The following CMKLR2 variants were observed in gnomAD, a reference collection of about 807,000 sequenced individuals.
CMKLR2 encodes chemerin-like receptor 2.
Under a neutral mutation model 23.0 loss-of-function variants are expected in CMKLR2, and 18 were observed. The observed-to-expected ratio is 0.78, with a 90% CI of 0.54 to 1.16. The LOEUF (loss-of-function observed/expected upper bound fraction) is 1.16. CMKLR2 is among the 50% of genes most tolerant of loss of function. The pLI, the probability that CMKLR2 is intolerant of heterozygous loss-of-function variation, is 0.00. For missense variants in CMKLR2, 401 were observed against 412.7 expected (o/e 0.97, Z 0.25); for synonymous variants, 158 against 158.9 (o/e 0.99, Z 0.05).
chr2:206,179,374 C>CTTTTT (rs1178241566), intron 1 of CMKLR2, among the ~76,000 whole-genome samples: 4 of 76,216 alleles, frequency 5.2e-5, no homozygotes, highest in Non-Finnish European at 7.5e-5. Flanking sequence ...CGCACCCAGC[C>CTTTTT]TTTTTTTTTT....
rs1576037036 is a variant in CMKLR2, at chr2:206,181,874, C to T, written c.-28-4599G>A. Among the ~76,000 whole-genome samples, 4 of 139,594 alleles carry T rather than the reference C, an allele frequency of 2.9e-5. No individual in the cohort carries two copies. The South Asian group carries it at 6.7e-4, about 23-fold the overall frequency. 91.6% of individuals were successfully genotyped at this position (139,594 alleles called of 152,430 possible). On this transcript the variant is annotated intron_variant, in intron 1 of 1. Coordinates refer to ENST00000621141, the MANE Select transcript of CMKLR2 (RefSeq NM_001389445.1). ...GGCTGAGACAGGAGAATTGCCTGAACTGGGAGGTGGAGGTTTTAGTGAGCC... is the reference window on the plus strand; with the variant it reads ...GGCTGAGACAGGAGAATTGCCTGAATTGGGAGGTGGAGGTTTTAGTGAGCC...
chr2:206,186,140 C>A (rs1357671818), intron 1 of CMKLR2, among the ~76,000 whole-genome samples: 1 of 139,312 alleles, frequency 7.2e-6, no homozygotes, highest in Non-Finnish European at 1.5e-5. Context: ...TTGATGGAGT[C>A]TCACACTGTC....
At chr2:206,204,976 A>G (rs991081690) in intron 1 of CMKLR2, among the ~76,000 whole-genome samples, 1 of 152,226 alleles carries the variant, frequency 6.6e-6, no homozygotes, top group Non-Finnish European at 1.5e-5. Flanking sequence ...GTACAACATA[A>G]TCAGGCTACT....
intron 1 of CMKLR2, among the ~76,000 whole-genome samples, 159 bp from the exon 2 acceptor site, chr2:206,177,434 G>A (rs1688269677): frequency 6.6e-6 from 1 of 152,048 alleles, no homozygotes; most frequent in Admixed American, 6.6e-5. Flanking sequence ...TGTTGCCCAA[G>A]CTGGAGTGCA....
intron 1 of CMKLR2, among the ~76,000 whole-genome samples, chr2:206,190,100 C>T (rs901814798): frequency 3.9e-5 from 6 of 152,076 alleles, no homozygotes; most frequent in African/African-American, 1.2e-4. Flanking sequence ...CCCTCACACT[C>T]CAACCCCTGG....
intron 1 of CMKLR2, among the ~76,000 whole-genome samples, chr2:206,187,856 G>A (rs1043123369): frequency 6.6e-6 from 1 of 152,076 alleles, no homozygotes; most frequent in Non-Finnish European, 1.5e-5. Flanking sequence ...GCTGTGGTGG[G>A]CAGTAACCAA....
intron 1 of CMKLR2, among the ~76,000 whole-genome samples, chr2:206,182,126 G>C (rs1688435106): frequency 6.6e-6 from 1 of 152,014 alleles, no homozygotes; most frequent in Non-Finnish European, 1.5e-5. Context: ...TAGGGGCAGA[G>C]GGAGAAAATC....
chr2:206,190,460 CA>C (rs1469257527), intron 1 of CMKLR2, among the ~76,000 whole-genome samples: 1 of 152,148 alleles, frequency 6.6e-6, no homozygotes, highest in Non-Finnish European at 1.5e-5. Context: ...GACAATCATT[CA>C]GGAGCCTGTT....
chr2:206,191,571 G>A (rs1365181058), intron 1 of CMKLR2, among the ~76,000 whole-genome samples: 1 of 152,030 alleles, frequency 6.6e-6, no homozygotes, highest in African/African-American at 2.4e-5. Flanking sequence ...GGGGACCCCT[G>A]TGTCTAGCCC....
intron 1 of CMKLR2, among the ~76,000 whole-genome samples, chr2:206,189,414 C>G (rs771045387): frequency 6.6e-6 from 1 of 152,126 alleles, no homozygotes; most frequent in Non-Finnish European, 1.5e-5. Context: ...GCAGGCAGAT[C>G]ACTTGAGGTC....
chr2:206,201,137 C>G (rs888471671), intron 1 of CMKLR2, among the ~76,000 whole-genome samples: 1 of 151,924 alleles, frequency 6.6e-6, no homozygotes, highest in African/African-American at 2.4e-5. Flanking sequence ...TTTTTTGCAG[C>G]GATGGGGTTT....
upstream of CMKLR2, among the ~76,000 whole-genome samples, chr2:206,215,109 G>T (rs1689712893): frequency 6.6e-6 from 1 of 152,108 alleles, no homozygotes; most frequent in Non-Finnish European, 1.5e-5. Flanking sequence ...GGTAGGGGGT[G>T]CACTTTTTCA....
Position 206,177,898 on chromosome 2 carries a change from A to C in CMKLR2, c.-28-623T>G, listed in dbSNP as rs141322577. Among the ~76,000 whole-genome samples, 51 of 152,320 alleles carry C rather than the reference A, an allele frequency of 3.3e-4. 1 individual carries two copies. The East Asian group carries it at 9.6e-3, about 29-fold the overall frequency. Reference sequence around the variant, plus strand: ...GCTGACTAGAGAGAATTCAACAAGCATTTATTAGATTCCTACTATGCATTA... The same window carrying C: ...GCTGACTAGAGAGAATTCAACAAGCCTTTATTAGATTCCTACTATGCATTA... On this transcript the variant is annotated intron_variant, in intron 1 of 1. Transcript: ENST00000621141.
intron 1 of CMKLR2, among the ~76,000 whole-genome samples, chr2:206,189,445 G>C (rs993355718): frequency 1.3e-5 from 2 of 152,104 alleles, no homozygotes; most frequent in African/African-American, 4.8e-5. Flanking sequence ...GACCAGCCTG[G>C]CCAACATGGT....
upstream of CMKLR2, chr2:206,217,471 G>A (rs1178765026): frequency 2.0e-5 from 3 of 152,216 alleles, no homozygotes; most frequent in African/African-American, 7.2e-5. Flanking sequence ...GCTTCTAAAT[G>A]AGGACGAAGC....
upstream of CMKLR2, among the ~76,000 whole-genome samples, chr2:206,215,166 C>G (rs979357018): frequency 9.9e-5 from 15 of 152,144 alleles, no homozygotes; most frequent in Non-Finnish European, 1.9e-4. Context: ...GGCTTCCACA[C>G]CTACCCGCAA....
intron 1 of CMKLR2, among the ~76,000 whole-genome samples, chr2:206,212,529 TG>T (rs1021292702): frequency 2.6e-4 from 40 of 152,310 alleles, no homozygotes; most frequent in African/African-American, 9.4e-4. Context: ...TTATCAAACT[TG>T]ATTTGGTTTT....
chr2:206,196,178 C>A (rs955582495), intron 1 of CMKLR2, among the ~76,000 whole-genome samples: 2 of 152,046 alleles, frequency 1.3e-5, no homozygotes, highest in African/African-American at 2.4e-5. Flanking sequence ...AGTTTGAGAC[C>A]AGCCTGGCAA....
chr2:206,215,237 G>A (rs1333755359), upstream of CMKLR2, among the ~76,000 whole-genome samples: 3 of 152,170 alleles, frequency 2.0e-5, no homozygotes, highest in African/African-American at 7.2e-5. Flanking sequence ...AATAGATGTC[G>A]TCAGTGAAGG....
Sources: allele counts gnomAD v4.1 joint callset (sites outside exome capture counted in the v4.1 genomes callset), GRCh38; gene constraint gnomAD v4.1.1; transcripts MANE v1.5; gene names NCBI Gene and HGNC (gene_info 2026-07-23, HGNC 2026-07-21).